Variants in TSPEAR observed in about 807,000 individuals in gnomAD.
The protein encoded by TSPEAR is thrombospondin type laminin G domain and EAR repeats, also known as thrombospondin-type laminin G domain and EAR repeat-containing protein.
In TSPEAR, 69 loss-of-function variants were observed where a neutral mutation model predicts 71.6. The observed-to-expected ratio is 0.96, with a 90% CI of 0.79 to 1.18. The LOEUF is 1.18. Ranked by LOEUF, TSPEAR falls within the 50% of genes most tolerant of loss-of-function variation. The pLI, the probability that TSPEAR is intolerant of heterozygous loss-of-function variation, is 0.00. For synonymous variants in TSPEAR, 402 were observed against 387.2 expected, an observed-to-expected ratio of 1.04 and a Z score of -0.45; for missense variants, 971 against 894.9, an observed-to-expected ratio of 1.09 and a Z score of -1.09.
chr21:44,530,992 C>T, intron 4 of TSPEAR, 51 bp downstream of exon 4: 1 of 1,439,844 alleles, frequency 6.9e-7, no homozygotes, highest in Non-Finnish European at 9.8e-7. Context: ...TGGCCTGGGG[C>T]AGTCCCATCC....
intron 1 of TSPEAR, among the ~76,000 whole-genome samples, chr21:44,662,675 C>T (rs587612969): frequency 6.6e-6 from 1 of 152,282 alleles, no homozygotes; most frequent in South Asian, 2.1e-4. Context: ...ACATTCTTTT[C>T]AAGCACATGA....
At chr21:44,705,286 C>T (rs546857073) in intron 1 of TSPEAR, among the ~76,000 whole-genome samples, 29 of 152,128 alleles carry the variant, frequency 1.9e-4, no homozygotes, top group Admixed American at 1.6e-3. Context: ...GGGTGTATAT[C>T]ATTCCAGGAC....
At chr21:44,628,631 T>C (rs71322581) in intron 1 of TSPEAR, among the ~76,000 whole-genome samples, 95,374 of 150,648 alleles carry the variant, frequency 0.63, 30,600 homozygotes, top group Admixed American at 0.69. Flanking sequence ...TGACTCAGGC[T>C]AATGCCCCAC....
rs782205449 is a variant in TSPEAR at position 44,621,363 on chromosome 21, TAAAC to T, written c.83-53362_83-53359del. Reference sequence around the variant, plus strand: ...TTCATATACATTGGTGATCTGATGATAAACATGTATATATTTATAATTGATATAT... The same window carrying T: ...TTCATATACATTGGTGATCTGATGATATGTATATATTTATAATTGATATAT... On this transcript the variant is annotated intron_variant, in intron 1 of 11. Coordinates refer to ENST00000323084, the MANE Select transcript of TSPEAR (RefSeq NM_144991.3). Among the ~76,000 whole-genome samples, 7 of 152,362 alleles carry T rather than the reference TAAAC, an allele frequency of 4.6e-5. 1 individual carries two copies. Among genetic ancestry groups the T allele is most frequent in the Admixed American group, 1.3e-4 (2 of 15,312 alleles).
intron 2 of TSPEAR, among the ~76,000 whole-genome samples, chr21:44,548,288 T>G (rs1275383981): frequency 6.6e-6 from 1 of 152,172 alleles, no homozygotes; most frequent in African/African-American, 2.4e-5. Context: ...GTCACCCAGC[T>G]GGGGAGTGGG....
At chr21:44,600,501 T>G in intron 1 of TSPEAR, 1 of 1,214,078 alleles carries the variant, frequency 8.2e-7, no homozygotes, top group Non-Finnish European at 1.1e-6. Flanking sequence ...ACACTCCAGC[T>G]GGGACAACAG....
intron 1 of TSPEAR, chr21:44,697,031 CT>C: frequency 1.4e-5 from 14 of 990,072 alleles, no homozygotes; most frequent in Admixed American, 6.5e-5. Context: ...CAGACGCTCA[CT>C]CACTCCCTCC....
rs187955490 is a variant in TSPEAR at position 44,648,939 on chromosome 21, A to T, written c.82+62494T>A. Among the ~76,000 whole-genome samples the T allele has an allele frequency of 6.1e-3, 936 of 152,314 alleles. 6 individuals carry two copies. The highest frequency in any genetic ancestry group is 0.022 in the African/African-American group (899 of 41,576). ...CAGTGGCGGGGTCCCCTCCCTTGTG[A>T]ACGTGCGTGAAGGTGCTCACAGCAC... On this transcript the variant is annotated intron_variant, in intron 1 of 11. Transcript: ENST00000323084.
At chr21:44,562,321 G>A (rs749166220) in intron 2 of TSPEAR, among the ~76,000 whole-genome samples, 18 of 152,082 alleles carry the variant, frequency 1.2e-4, no homozygotes, top group Non-Finnish European at 2.2e-4. Flanking sequence ...ACTGCTCAAG[G>A]AAATAAGAGA....
intron 1 of TSPEAR, chr21:44,666,516 C>T (rs1746432974): frequency 6.2e-7 from 1 of 1,612,802 alleles, no homozygotes; most frequent in Non-Finnish European, 8.5e-7. Context: ...CTGGCAGCAC[C>T]CAGAGGACTG....
At chr21:44,654,356 G>A (rs1555942080) in intron 1 of TSPEAR, 2 of 1,614,116 alleles carry the variant, frequency 1.2e-6, no homozygotes, top group East Asian at 4.5e-5. Context: ...CCAGAGGTTG[G>A]GCAGAAGGAA....
intron 2 of TSPEAR, chr21:44,539,409 C>G (rs200819866): frequency 1.9e-6 from 3 of 1,602,350 alleles, no homozygotes; most frequent in Non-Finnish European, 1.7e-6. Flanking sequence ...CAGGAGGAGA[C>G]AGGCATACAG....
intron 1 of TSPEAR, chr21:44,601,770 C>A: frequency 6.3e-7 from 1 of 1,583,264 alleles, no homozygotes; most frequent in Admixed American, 1.7e-5. Context: ...CCTGAGTGCT[C>A]ACTGCCACCT....
At chr21:44,703,918 A>G (rs546763072) in intron 1 of TSPEAR, among the ~76,000 whole-genome samples, 2 of 152,254 alleles carry the variant, frequency 1.3e-5, no homozygotes, top group Admixed American at 6.5e-5. Flanking sequence ...GCTGCAGTGG[A>G]GCTGGAACCG....
intron 3 of TSPEAR, 74 bp from the exon 4 acceptor site, chr21:44,531,207 ACAAGCCCCT>A: frequency 2.5e-6 from 3 of 1,222,566 alleles, no homozygotes; most frequent in East Asian, 4.8e-5. Flanking sequence ...AGGAACAGGA[ACAAGCCCCT>A]CACTAAGCAG....
chr21:44,551,364 C>T (rs2053431312), intron 2 of TSPEAR: 1 of 1,613,068 alleles, frequency 6.2e-7, no homozygotes, highest in Non-Finnish European at 8.5e-7. Context: ...GCTGGGGGTG[C>T]CGCAGGGGAG....
At chr21:44,709,084 C>T (rs1210262048) in intron 1 of TSPEAR, among the ~76,000 whole-genome samples, 1 of 152,218 alleles carries the variant, frequency 6.6e-6, no homozygotes, top group Non-Finnish European at 1.5e-5. Context: ...CTGCAGCTCC[C>T]GCACTCCCAG....
At chr21:44,637,544 A>G in intron 1 of TSPEAR, 1 of 1,613,430 alleles carries the variant, frequency 6.2e-7, no homozygotes, top group Non-Finnish European at 8.5e-7. Context: ...CCTGGTCTGC[A>G]CCCCAGTGAG....
rs1601415545 is a variant in TSPEAR, at chr21:44,558,700, T to C, written c.303+9085A>G. The C allele has an allele frequency of 6.2e-7, 1 of 1,604,822 alleles. No homozygotes were observed. Among genetic ancestry groups the C allele is most frequent in the Admixed American group, 1.7e-5 (1 of 59,610 alleles). On this transcript the variant is annotated intron_variant, in intron 2 of 11. Transcript: ENST00000323084. ...GAGTAAGCGCTGGAGCAGACGGACA[T>C]GGTAGACGTGGCCATGCTGGGGTGG... is the stretch of plus-strand genomic sequence containing the variant.
Sources: gnomAD v4.1 joint callset for allele counts (sites outside exome capture counted in the v4.1 genomes callset) on GRCh38, gnomAD v4.1.1 for gene constraint, MANE v1.5 for transcripts, NCBI Gene and HGNC (gene_info 2026-07-23, HGNC 2026-07-21) for gene names.